Variants in PDLIM2 observed in about 807,000 individuals in gnomAD.
PDLIM2 encodes PDZ and LIM domain 2.
Under a neutral mutation model 54.1 loss-of-function variants are expected in PDLIM2, and 51 were observed. The ratio of observed to expected loss-of-function variants is 0.94; its 90% confidence interval spans 0.75 to 1.19. The LOEUF (loss-of-function observed/expected upper bound fraction) is 1.19, where lower values mean the gene tolerates loss of function less well. PDLIM2 is among the 50% of genes most tolerant of loss of function. The pLI is 0.00. For missense variants in PDLIM2, 912 were observed against 874.0 expected (o/e 1.04, Z -0.55); for synonymous variants, 398 against 385.6 (o/e 1.03, Z -0.38).
At chr8:22,589,193 G>C in intron 6 of PDLIM2, 105 bp from the exon 6 acceptor site, 1 of 1,277,992 alleles carries the variant, frequency 7.8e-7, no homozygotes, top group Non-Finnish European at 1.1e-6. Context: ...GCGAGGGCCG[G>C]GGGCCCCCTG....
intron 3 of PDLIM2, among the ~76,000 whole-genome samples, chr8:22,584,189 T>A (rs13263921): frequency 0.12 from 18,437 of 150,748 alleles, 1,484 homozygotes; most frequent in South Asian, 0.19. Flanking sequence ...TTTTTTTTTT[T>A]AATTAGAGAT....
At chr8:22,594,531 AG>A, downstream of PDLIM2, 1 of 1,613,998 alleles carries the variant, frequency 6.2e-7, no homozygotes, top group Non-Finnish European at 8.5e-7. Context: ...GTTTTACAGG[AG>A]GACGCTTGTG....
Position 22,589,303 on chromosome 8 carries a change from CCTCGGCCG to C in PDLIM2, c.1298_1305del (p.Leu433ArgfsTer67). The C allele has an allele frequency of 1.3e-6, 2 of 1,533,988 alleles. No homozygotes were observed. The highest frequency in any genetic ancestry group is 1.7e-6 in the Non-Finnish European group (2 of 1,146,334). ...CGGCTGCCTCCTCCCAACAGGCCGG[CCTCGGCCG>C]CGCTGGCGACTCGGCGGTGCTGGTG... On this transcript the variant is annotated frameshift_variant, in exon 7 of 10. Coordinates refer to ENST00000308354, the Ensembl canonical transcript of PDLIM2. LOFTEE classifies it high-confidence loss of function.
chr8:22,587,996 T>C (rs1331488849), intron 6 of PDLIM2: 3 of 152,304 alleles, frequency 2.0e-5, no homozygotes, highest in African/African-American at 7.2e-5. Context: ...CCCGGGCCGG[T>C]GCCCTAGGCA....
intron 1 of PDLIM2, chr8:22,579,772 G>GT (rs34010724): frequency 0.19 from 82,981 of 431,752 alleles, 8,651 homozygotes; most frequent in Middle Eastern, 0.22. Context: ...TGGCTCCAGA[G>GT]CTAGAGGCTC....
At chr8:22,581,432 C>A (rs558468530) in exon 3 of PDLIM2, 9 of 1,608,202 alleles carry the variant, frequency 5.6e-6, no homozygotes, top group Non-Finnish European at 7.6e-6. Context: ...GAGACATAAT[C>A]GTGGCCATCA....
At chr8:22,587,221 C>T (rs546550025) in intron 6 of PDLIM2, among the ~76,000 whole-genome samples, 49 of 152,220 alleles carry the variant, frequency 3.2e-4, no homozygotes, top group African/African-American at 1.2e-3. Flanking sequence ...GTCTCAGGGT[C>T]CCACAGCTGC....
At chr8:22,581,566 C>T (rs750199885) in intron 3 of PDLIM2, 36 bp downstream of exon 2, 5 of 1,534,682 alleles carry the variant, frequency 3.3e-6, no homozygotes, top group Non-Finnish European at 4.4e-6. Context: ...TGTGGCATTC[C>T]CCCTCCTCCA....
Position 22,589,004 on chromosome 8 carries a change from A to C in PDLIM2, c.1291-294A>C, listed in dbSNP as rs1020586969. On this transcript the variant is annotated intron_variant, in intron 6 of 9. Transcript: ENST00000308354. ...ACAGAGGACTCTGTGCTTAGCTGTC[A>C]CCTGCTGCCTTCCTGCTGCCCGGTC... The C allele has an allele frequency of 1.5e-5, 8 of 550,246 alleles. No homozygotes were observed. The African/African-American group carries it at 1.6e-4, about 11-fold the overall frequency. The allele number at this position is 550,246 out of a possible 1,614,324, so 34.1% of individuals were successfully genotyped here. A position where few individuals can be genotyped will look rare whatever the true frequency, so the allele number is the denominator to read the frequency against.
chr8:22,583,210 G>T (rs2117342365), intron 3 of PDLIM2, among the ~76,000 whole-genome samples: 1 of 152,248 alleles, frequency 6.6e-6, no homozygotes, highest in South Asian at 2.1e-4. Context: ...TACCCAGGGA[G>T]CTGGGAGGGC....
At chr8:22,591,483 C>G (rs1800544503) in intron 8 of PDLIM2, 68 bp from the exon 8 acceptor site, 10 of 1,425,070 alleles carry the variant, frequency 7.0e-6, no homozygotes, top group Non-Finnish European at 9.9e-6. Flanking sequence ...ACCACCTCCT[C>G]AGAGCATCTT....
chr8:22,594,758 A>G, downstream of PDLIM2: 1 of 1,454,350 alleles, frequency 6.9e-7, no homozygotes, highest in Non-Finnish European at 9.1e-7. Flanking sequence ...TGCTGGCTTC[A>G]TTGGTGATTG....
chr8:22,583,712 A>G (rs1800279716), intron 3 of PDLIM2, among the ~76,000 whole-genome samples: 1 of 152,000 alleles, frequency 6.6e-6, no homozygotes, highest in African/African-American at 2.4e-5. Context: ...GGTTGCAGTG[A>G]GCCGAGATTG....
At chr8:22,589,423 G>C in intron 7 of PDLIM2, 49 bp downstream of exon 6, 1 of 1,531,762 alleles carries the variant, frequency 6.5e-7, no homozygotes, top group South Asian at 1.2e-5. Flanking sequence ...AAGGCTGGGA[G>C]GGGCAGGAGG....
At chr8:22,579,034 G>A (rs1800111174) in exon 1 of PDLIM2, 13 of 1,241,142 alleles carry the variant, frequency 1.0e-5, no homozygotes, top group Non-Finnish European at 1.3e-5. Flanking sequence ...CTCGCCGCGC[G>A]GAGGCGGCGG....
chr8:22,596,542 T>TGCTCCC (rs1800687453), downstream of PDLIM2: 1 of 152,268 alleles, frequency 6.6e-6, no homozygotes, highest in Non-Finnish European at 1.5e-5. Context: ...GCTAGCTGCG[T>TGCTCCC]GCTCCCACTC....
rs760627111 is a variant in PDLIM2, at chr8:22,579,546, G to A, written c.748+19G>A. 3.3e-5 allele frequency: 48 copies of A among 1,447,146 alleles called. No homozygotes were observed. In the South Asian group the frequency reaches 5.1e-4, roughly 15 times the overall value. 89.6% of individuals were successfully genotyped at this position (1,447,146 alleles called of 1,614,324 possible). ...CTCAAAGGTCTGGGAATCTCGGGGC[G>A]GCCGCGAGCCGGCCTCGGGGACTGG... is the stretch of plus-strand genomic sequence containing the variant. On this transcript the variant is annotated intron_variant, in intron 1 of 9. Transcript: ENST00000308354.
At chr8:22,580,310 C>T (rs3735891) in intron 1 of PDLIM2, 165 bp from the exon 1 acceptor site, 4 of 495,618 alleles carry the variant, frequency 8.1e-6, no homozygotes, top group African/African-American at 2.0e-5. Context: ...CCCCCATGCT[C>T]CAGCAAGCCC....
intron 8 of PDLIM2, chr8:22,590,713 G>T (rs1800518093): frequency 6.6e-6 from 1 of 152,248 alleles, no homozygotes; most frequent in Non-Finnish European, 1.5e-5. Context: ...CCGCCTGGCT[G>T]TCTCCAAGGC....
Sources: gnomAD v4.1 joint callset for allele counts (sites outside exome capture counted in the v4.1 genomes callset) on GRCh38, gnomAD v4.1.1 for gene constraint, MANE v1.5 for transcripts, NCBI Gene and HGNC (gene_info 2026-07-23, HGNC 2026-07-21) for gene names.